PLEKHH1: variants seen among roughly 807,000 people sequenced by gnomAD.
PLEKHH1 encodes pleckstrin homology domain-containing family H member 1.
A neutral mutation model predicts 160.0 loss-of-function variants in PLEKHH1; 104 were observed. That is an observed-to-expected ratio of 0.65 (90% CI 0.55 to 0.76). PLEKHH1 has a LOEUF of 0.76. PLEKHH1 is among the 30% of genes least tolerant of loss of function. PLEKHH1 has a pLI of 0.00. For missense variants in PLEKHH1, 1,427 were observed against 1,724.1 expected, an observed-to-expected ratio of 0.83 and a Z score of 3.05; for synonymous variants, 619 against 678.4, an observed-to-expected ratio of 0.91 and a Z score of 1.36.
rs1430344192 is a variant in PLEKHH1 at position 67,574,582 on chromosome 14, G to A, written c.2088+179G>A. On this transcript the variant is annotated intron_variant, in intron 14 of 28. Coordinates refer to ENST00000329153, the MANE Select transcript of PLEKHH1 (RefSeq NM_020715.3). The surrounding 1 kb of genome is among the most constrained non-coding windows in gnomAD (Gnocchi z 4.2). ...GTCTGGCCACACAAGGTGATGGCGA[G>A]TGATTCCCCGGAAACAAATCAGGGT... Among the ~76,000 whole-genome samples, 1 of 152,214 alleles carries A rather than the reference G, an allele frequency of 6.6e-6. No individual in the cohort carries two copies. Among genetic ancestry groups the A allele is most frequent in the Non-Finnish European group, 1.5e-5 (1 of 68,040 alleles).
chr14:67,579,306 T>C lies in PLEKHH1; in HGVS notation c.3022T>C (p.Tyr1008His). The change falls in exon 21 of 29, where the codon TAC becomes CAC. Residue 1008 changes from tyrosine (Y) to histidine (H), a missense_variant. By Grantham distance (83) the Tyr-to-His change is moderately conservative. Transcript: ENST00000329153. ...SIPVHFTNGT[Y>H]HVVGFDGSST... ...CCCCGTGCACTTTACCAACGGGACTTACCATGTGAGGAGCTGGGCGTGCTC... is the reference window on the plus strand; with the variant it reads ...CCCCGTGCACTTTACCAACGGGACTCACCATGTGAGGAGCTGGGCGTGCTC... The C allele has an allele frequency of 6.6e-7, 1 of 1,526,346 alleles. No homozygotes were observed. Among genetic ancestry groups the C allele is most frequent in the Non-Finnish European group, 8.8e-7 (1 of 1,139,162 alleles). The allele number at this position is 1,526,346 out of a possible 1,614,324, so 94.6% of individuals were successfully genotyped here. A position where few individuals can be genotyped will look rare whatever the true frequency, so the allele number is the denominator to read the frequency against.
Position 67,572,174 on chromosome 14 carries a change from C to G in PLEKHH1, c.1625C>G (p.Ala542Gly), listed in dbSNP as rs372893729. ...TCACTGAGCTCCGAGGGTGACTACG[C>G]CATCCCCCCGGACGCCTGCTCACTG... is the stretch of plus-strand genomic sequence containing the variant. ...MSSLSSEGDY[A>G]IPPDACSLDS... is the part of the protein sequence containing the mutation. Residue 542 changes from alanine to glycine, a missense_variant, in exon 11 of 29, where the codon GCC (alanine) becomes GGC (glycine). Coordinates refer to ENST00000329153, the MANE Select transcript of PLEKHH1 (RefSeq NM_020715.3). 22 of 1,607,570 alleles carry G rather than the reference C, an allele frequency of 1.4e-5. No individual in the cohort carries two copies. Among genetic ancestry groups the G allele is most frequent in the Non-Finnish European group, 1.9e-5 (22 of 1,177,312 alleles).
chr14:67,581,434 G>A (rs2035895579), intron 23 of PLEKHH1, among the ~76,000 whole-genome samples: 1 of 152,094 alleles, frequency 6.6e-6, no homozygotes, highest in Non-Finnish European at 1.5e-5. Context: ...GCTGAGGTGG[G>A]AGGATCACTT....
intron 1 of PLEKHH1, among the ~76,000 whole-genome samples, chr14:67,539,905 A>G (rs942750228): frequency 6.6e-6 from 1 of 152,218 alleles, no homozygotes; most frequent in Non-Finnish European, 1.5e-5. Context: ...AAGACTCAAT[A>G]AGCAATAGCT....
intron 2 of PLEKHH1, among the ~76,000 whole-genome samples, chr14:67,553,974 C>T (rs1002449471): frequency 3.3e-5 from 5 of 152,198 alleles, no homozygotes; most frequent in Non-Finnish European, 5.9e-5. Flanking sequence ...AGAGGGGGCC[C>T]TATCCATGGG....
chr14:67,585,867 G>A (rs1380151269), intron 27 of PLEKHH1, 84 bp from the exon 28 acceptor site: 2 of 1,406,306 alleles, frequency 1.4e-6, no homozygotes, highest in Non-Finnish European at 2.0e-6. Flanking sequence ...CCTTTCCTGT[G>A]CCTAGAAGAG....
At chr14:67,553,609 G>A (rs181172715) in intron 2 of PLEKHH1, among the ~76,000 whole-genome samples, 1 of 152,316 alleles carries the variant, frequency 6.6e-6, no homozygotes, top group Non-Finnish European at 1.5e-5. Context: ...AAGAGGGAAG[G>A]GTTATGCAGT....
chr14:67,549,511 T>C (rs1375785719), intron 2 of PLEKHH1, among the ~76,000 whole-genome samples: 4 of 152,160 alleles, frequency 2.6e-5, no homozygotes, highest in African/African-American at 9.7e-5. Context: ...CCTCAAGTGA[T>C]CCGCCTGCCT....
chr14:67,571,307 T>G, intron 9 of PLEKHH1: 1 of 161,142 alleles, frequency 6.2e-6, no homozygotes, highest in Non-Finnish European at 1.4e-5. Context: ...CACACTAGAG[T>G]TTTTTCCCCC....
chr14:67,548,045 G>A (rs1469083208), intron 2 of PLEKHH1, among the ~76,000 whole-genome samples: 1 of 152,104 alleles, frequency 6.6e-6, no homozygotes, highest in Non-Finnish European at 1.5e-5. Flanking sequence ...CTGAGGGAGT[G>A]GCTGATGACT....
Position 67,562,334 on chromosome 14 carries a change from C to T in PLEKHH1, c.703C>T (p.Pro235Ser), listed in dbSNP as rs111383349. The change falls in exon 7 of 29, where the codon CCC becomes TCC. Residue 235 changes from proline to serine, a missense_variant. Transcript: ENST00000329153. ...GGACTCTGTTTCTGAAGCAGCAAGC[C>T]CCTTGGAGGATTCTAGTTCCAGCAC... is the stretch of plus-strand genomic sequence containing the variant. ...SKDSVSEAASPLEDSSSSTVH... is the reference protein window; with the variant it reads ...SKDSVSEAASSLEDSSSSTVH... The T allele has an allele frequency of 4.4e-4, 714 of 1,613,906 alleles. 5 individuals are homozygous for T. In the African/African-American group the frequency reaches 8.1e-3, roughly 18 times the overall value.
In PLEKHH1 at chr14:67,541,922, C is replaced by G. The variant is rs753544050; in HGVS notation, c.55C>G (p.Leu19Val). The G allele has an allele frequency of 1.9e-6, 3 of 1,605,990 alleles. No homozygotes were observed. In the East Asian group the frequency reaches 6.7e-5, roughly 36 times the overall value. The change falls in exon 2 of 29, where the codon CTG becomes GTG. Residue 19 changes from leucine to valine, a missense_variant. This residue lies in a region of PLEKHH1 where 831 missense variants were observed against 929.2 expected (regional missense o/e 0.89). Transcript: ENST00000329153. ...PASVDWQKRCLTLETQLFRFR... is the reference protein window; with the variant it reads ...PASVDWQKRCVTLETQLFRFR... ...CAGCGTAGACTGGCAGAAACGCTGC[C>G]TGACCCTGGAAACTCAGCTTTTCCG...
rs746474070 is a variant in PLEKHH1, at chr14:67,562,862, C to T, written c.1231C>T (p.Pro411Ser). ...LEEVELGNKP[P>S]TPPLHQFSSW... Reference sequence around the variant, plus strand: ...GGAAGTGGAGCTGGGTAACAAGCCACCTACACCCCCGCTGCACCAGTTTTC... The same window carrying T: ...GGAAGTGGAGCTGGGTAACAAGCCATCTACACCCCCGCTGCACCAGTTTTC... The change falls in exon 7 of 29, where the codon CCT (proline) becomes TCT (serine). Residue 411 changes from proline (P) to serine (S), a missense_variant. Coordinates refer to ENST00000329153, the MANE Select transcript of PLEKHH1 (RefSeq NM_020715.3). 1 of 1,613,198 alleles carries T rather than the reference C, an allele frequency of 6.2e-7. No individual in the cohort carries two copies. The highest frequency in any genetic ancestry group is 8.5e-7 in the Non-Finnish European group (1 of 1,179,752).
In PLEKHH1 at chr14:67,576,435, G is replaced by A; in HGVS notation, c.2393G>A (p.Ser798Asn). 1 of 1,610,470 alleles carries A rather than the reference G, an allele frequency of 6.2e-7. No individual in the cohort carries two copies. Residue 798 changes from serine (S) to asparagine (N), a missense_variant, in exon 17 of 29, where the codon AGC (serine) becomes AAC (asparagine). By Grantham distance (46) the Ser-to-Asn change is conservative. Coordinates refer to ENST00000329153, the MANE Select transcript of PLEKHH1 (RefSeq NM_020715.3). The surrounding 1 kb of genome is among the most constrained non-coding windows in gnomAD (Gnocchi z 4.0). ...CACCTCACAGTGGCTGCAGGTGGCA[G>A]CAGTGCCAAGGTGGGCACTGCCTAT... ...LYHLTVAAGG[S>N]SAKVGTAYEQ... is the part of the protein sequence containing the mutation.
chr14:67,552,692 G>A (rs369136936), intron 2 of PLEKHH1, among the ~76,000 whole-genome samples: 39 of 151,930 alleles, frequency 2.6e-4, no homozygotes, highest in Non-Finnish European at 4.7e-4. Flanking sequence ...GCGGGAACCC[G>A]GGAGGCGGAG....
chr14:67,584,392 C>T (rs1353505451), intron 26 of PLEKHH1, among the ~76,000 whole-genome samples: 2 of 152,176 alleles, frequency 1.3e-5, no homozygotes, highest in African/African-American at 4.8e-5. Flanking sequence ...AAATAACAGC[C>T]CTCTCAAGAG....
chr14:67,552,926 T>C (rs1287753361), intron 2 of PLEKHH1, among the ~76,000 whole-genome samples: 3 of 152,130 alleles, frequency 2.0e-5, no homozygotes, highest in Non-Finnish European at 4.4e-5. Context: ...AGTAATAGCA[T>C]GTGCATGGGA....
chr14:67,586,740 T>C, intron 28 of PLEKHH1: 1 of 1,208,268 alleles, frequency 8.3e-7, no homozygotes, highest in African/African-American at 1.6e-5. Flanking sequence ...ACTCCTCCTT[T>C]AATACCACCC....
Position 67,578,253 on chromosome 14 carries a change from G to A in PLEKHH1, c.2751+54G>A. The A allele has an allele frequency of 6.7e-7, 1 of 1,488,030 alleles. No homozygotes were observed. Among genetic ancestry groups the A allele is most frequent in the Non-Finnish European group, 9.3e-7 (1 of 1,074,788 alleles). 92.2% of individuals were successfully genotyped at this position (1,488,030 alleles called of 1,614,324 possible). A position where few individuals can be genotyped will look rare whatever the true frequency, so the allele number is the denominator to read the frequency against. Reference sequence around the variant, plus strand: ...CAGAAGCCATTGGCAAGGGCTGCCAGGTGGGAAAGGTGGGAGGAGGTGACT... The same window carrying A: ...CAGAAGCCATTGGCAAGGGCTGCCAAGTGGGAAAGGTGGGAGGAGGTGACT... On this transcript the variant is annotated intron_variant, in intron 19 of 28. Coordinates refer to ENST00000329153, the MANE Select transcript of PLEKHH1 (RefSeq NM_020715.3). The surrounding 1 kb of genome is among the most constrained non-coding windows in gnomAD (Gnocchi z 5.0).
Sources: gnomAD v4.1 joint callset for allele counts (sites outside exome capture counted in the v4.1 genomes callset) on GRCh38, gnomAD v4.1.1 for gene constraint, gnomAD v4.1.1 regional missense constraint, Gnocchi (gnomAD v3.1) non-coding constraint, MANE v1.5 for transcripts, NCBI Gene and HGNC (gene_info 2026-07-23, HGNC 2026-07-21) for gene names.